Variants in URB2 observed in about 807,000 individuals in gnomAD.
The protein encoded by URB2 is URB2 ribosome biogenesis homolog.
Under a neutral mutation model 120.9 loss-of-function variants are expected in URB2, and 86 were observed. That is an observed-to-expected ratio of 0.71 (90% confidence interval 0.60 to 0.85). The LOEUF (loss-of-function observed/expected upper bound fraction) is 0.85. Ranked by LOEUF, URB2 falls within the 40% of genes least tolerant of loss-of-function variation. The probability of loss-of-function intolerance (pLI) is 0.00; values close to 1 mark genes in which losing one functional copy is unlikely to be tolerated. For missense variants in URB2, 1,765 were observed against 1,836.5 expected (o/e 0.96, Z 0.71); for synonymous variants, 755 against 758.4 (o/e 1.00, Z 0.07).
intron 4 of URB2, among the ~76,000 whole-genome samples, chr1:229,640,849 G>A (rs1665991622): frequency 6.8e-6 from 1 of 146,808 alleles, no homozygotes; most frequent in Non-Finnish European, 1.5e-5. Flanking sequence ...TTCTTAATGG[G>A]GGCTAAAATA....
rs1438735637 is a variant in URB2 at position 229,632,298 on chromosome 1, G to T, written c.156G>T (p.Leu52Phe). Reference sequence around the variant, plus strand: ...TACTTGATTGGGCAAGACAATCATTGGTTGCATTTTATAAGAAAAAGCTTG... The same window carrying T: ...TACTTGATTGGGCAAGACAATCATTTGTTGCATTTTATAAGAAAAAGCTTG... ...QVLLDWARQS[L>F]VAFYKKKLEL... Residue 52 changes from leucine (L) to phenylalanine (F), a missense_variant, in exon 3 of 10, where the codon TTG (leucine) becomes TTT (phenylalanine). By Grantham distance (22) the Leu-to-Phe change is conservative (BLOSUM62 0). Coordinates refer to ENST00000258243, the MANE Select transcript of URB2 (RefSeq NM_014777.4). The T allele has an allele frequency of 1.9e-6, 3 of 1,580,472 alleles. No individual in the cohort carries two copies. The highest frequency in any genetic ancestry group is 1.9e-5 in the Admixed American group (1 of 51,982).
At chr1:229,638,797 C>A (rs1413588841) in intron 4 of URB2, among the ~76,000 whole-genome samples, 1 of 152,174 alleles carries the variant, frequency 6.6e-6, no homozygotes, top group African/African-American at 2.4e-5. Context: ...ACAGCAGCCT[C>A]CTCCGTATGT....
At position 229,637,958 on chromosome 1, in the gene URB2, C is replaced by A. The variant is rs747824286; in HGVS notation, c.3345C>A (p.Val1115=). The A allele has an allele frequency of 6.2e-7, 1 of 1,613,566 alleles. No homozygotes were observed. Among genetic ancestry groups the A allele is most frequent in the African/African-American group, 1.3e-5 (1 of 74,934 alleles). Residue 1115 remains valine (V), a synonymous_variant, in exon 4 of 10, where the codon GTC becomes GTA. Coordinates refer to ENST00000258243, the MANE Select transcript of URB2 (RefSeq NM_014777.4). ...CCCGGGGCTGGCGCCTTCCCTCGGTCCTCATCTCATCCGTCAGCACGCTCT... is the reference window on the plus strand; with the variant it reads ...CCCGGGGCTGGCGCCTTCCCTCGGTACTCATCTCATCCGTCAGCACGCTCT... The part of the protein sequence containing the change: ...PGARGWRLPS[V]LISSVSTLLE...
At chr1:229,633,835 CT>C (rs1317075227) in intron 3 of URB2, among the ~76,000 whole-genome samples, 4 of 152,114 alleles carry the variant, frequency 2.6e-5, no homozygotes, top group African/African-American at 9.7e-5. Flanking sequence ...ATTTGCTTTC[CT>C]TTTTAAAAAA....
At position 229,635,631 on chromosome 1, in the gene URB2, C is replaced by G. The variant is rs1203721931; in HGVS notation, c.1018C>G (p.Leu340Val). The G allele has an allele frequency of 1.9e-6, 3 of 1,614,128 alleles. No homozygotes were observed. Among genetic ancestry groups the G allele is most frequent in the Non-Finnish European group, 2.5e-6 (3 of 1,180,034 alleles). Residue 340 changes from leucine (L) to valine (V), a missense_variant, in exon 4 of 10, where the codon CTG becomes GTG. Transcript: ENST00000258243. ...GTTTGGCTGCTTGAAGATTTCACAC[C>G]TGCAGGAGGAGCAGAGCAAAGCCCT... ...RLFGCLKISHLQEEQSKALST... is the reference protein window; with the variant it reads ...RLFGCLKISHVQEEQSKALST...
chr1:229,640,598 C>T (rs934819527), intron 4 of URB2, among the ~76,000 whole-genome samples: 3 of 152,082 alleles, frequency 2.0e-5, no homozygotes, highest in Admixed American at 1.3e-4. Context: ...GAAGCTGTGA[C>T]GGGTGGGGCC....
At chr1:229,630,982 C>CAAAAAAAAAA (rs57940336) in intron 2 of URB2, among the ~76,000 whole-genome samples, 1 of 65,106 alleles carries the variant, frequency 1.5e-5, no homozygotes, top group African/African-American at 6.1e-5. Flanking sequence ...AACTCCGTCT[C>CAAAAAAAAAA]AAAAAAAAAA....
At chr1:229,644,304 G>T (rs553387228) in intron 5 of URB2, among the ~76,000 whole-genome samples, 2 of 152,372 alleles carry the variant, frequency 1.3e-5, no homozygotes, top group Admixed American at 1.3e-4. Flanking sequence ...CAAGGTCTCT[G>T]GTCTAGGCAT....
rs756697639 is a variant in URB2, at chr1:229,636,261, A to G, written c.1648A>G (p.Met550Val). The G allele has an allele frequency of 6.8e-6, 11 of 1,613,904 alleles. No homozygotes were observed. Among genetic ancestry groups the G allele is most frequent in the South Asian group, 4.4e-5 (4 of 91,090 alleles). ...LSLSLLLHCIMFNMRSLDSST... is the reference protein window; with the variant it reads ...LSLSLLLHCIVFNMRSLDSST... ...ACTGAGCTTGCTGCTGCACTGCATC[A>G]TGTTCAACATGAGGAGCCTGGACAG... is the stretch of plus-strand genomic sequence containing the variant. The change falls in exon 4 of 10, where the codon ATG becomes GTG. Residue 550 changes from methionine (M) to valine (V), a missense_variant. By Grantham distance (21) the Met-to-Val change is conservative. Transcript: ENST00000258243.
chr1:229,653,451 A>T (rs886074476), intron 8 of URB2, among the ~76,000 whole-genome samples: 1 of 151,958 alleles, frequency 6.6e-6, no homozygotes, highest in Non-Finnish European at 1.5e-5. Context: ...TTTTTTCTCC[A>T]CTCTGGTCCC....
At chr1:229,649,857 C>T (rs1666227004) in intron 7 of URB2, among the ~76,000 whole-genome samples, 1 of 152,152 alleles carries the variant, frequency 6.6e-6, no homozygotes, top group South Asian at 2.1e-4. Flanking sequence ...GAGGTGCACA[C>T]ATACAAAGAA....
intron 2 of URB2, among the ~76,000 whole-genome samples, chr1:229,629,276 A>G (rs1665604942): frequency 6.6e-6 from 1 of 152,236 alleles, no homozygotes; most frequent in Non-Finnish European, 1.5e-5. Context: ...GTTAAGCTGT[A>G]GGTAATGTGG....
At chr1:229,640,710 A>C (rs1287676625) in intron 4 of URB2, among the ~76,000 whole-genome samples, 3 of 152,198 alleles carry the variant, frequency 2.0e-5, no homozygotes, top group African/African-American at 7.2e-5. Flanking sequence ...GCCATGGGCC[A>C]AATCACGCTG....
At position 229,645,734 on chromosome 1, in the gene URB2, C is replaced by T; in HGVS notation, c.3796-125C>T. 6 of 808,466 alleles carry T rather than the reference C, an allele frequency of 7.4e-6. 1 individual carries two copies. The South Asian group carries it at 9.3e-5, about 13-fold the overall frequency. 50.1% of individuals were successfully genotyped at this position (808,466 alleles called of 1,614,324 possible). On this transcript the variant is annotated intron_variant, in intron 5 of 9. Transcript: ENST00000258243. ...CCCCAAGCAGGCCTTGTCCACCTCC[C>T]CTGACACCAGGGCTCTCAATCCACT...
rs1387657478 is a variant in URB2, at chr1:229,635,734, A to G, written c.1121A>G (p.Asn374Ser). 1 of 1,614,090 alleles carries G rather than the reference A, an allele frequency of 6.2e-7. No individual in the cohort carries two copies. The highest frequency in any genetic ancestry group is 8.5e-7 in the Non-Finnish European group (1 of 1,180,002). Residue 374 changes from asparagine to serine, a missense_variant, in exon 4 of 10, where the codon AAC (asparagine) becomes AGC (serine). Transcript: ENST00000258243. ...LNSVANNNIY[N>S]IAADRIRHEE... ...TCAGTGGCCAACAACAATATCTACA[A>G]CATCGCTGCCGACAGAATTCGGCAC...
chr1:229,627,110 G>T (rs935945224), intron 1 of URB2, among the ~76,000 whole-genome samples: 3 of 152,120 alleles, frequency 2.0e-5, no homozygotes, highest in African/African-American at 7.2e-5. Context: ...GTGTATGTGC[G>T]TTGTAAATTT....
rs747442347 is a variant in URB2, at chr1:229,637,618, G to T, written c.3005G>T (p.Gly1002Val). Residue 1002 changes from glycine (G) to valine (V), a missense_variant, in exon 4 of 10, where the codon GGG becomes GTG. By Grantham distance (109) the Gly-to-Val change is moderately radical. Transcript: ENST00000258243. ...TGGCTGGAATTCCTCCAAGTGATAG[G>T]GACGTTCTTAGAGGAGCTAATGCAG... ...PAWLEFLQVIGTFLEELMQML... is the reference protein window; with the variant it reads ...PAWLEFLQVIVTFLEELMQML... 3 of 1,614,028 alleles carry T rather than the reference G, an allele frequency of 1.9e-6. No homozygotes were observed. The African/African-American group carries it at 4.0e-5, about 22-fold the overall frequency.
chr1:229,629,055 A>T (rs942007034), intron 2 of URB2, among the ~76,000 whole-genome samples: 1 of 152,086 alleles, frequency 6.6e-6, no homozygotes, highest in African/African-American at 2.4e-5. Context: ...ATACTGAGAG[A>T]TTTTATTCCT....
intron 8 of URB2, 81 bp downstream of exon 8, chr1:229,651,403 TAAAAC>T: frequency 8.5e-7 from 1 of 1,170,404 alleles, no homozygotes; most frequent in Non-Finnish European, 1.2e-6. Context: ...TTACTGAAAA[TAAAAC>T]TACTCACTTG....
Sources: allele counts gnomAD v4.1 joint callset (sites outside exome capture counted in the v4.1 genomes callset), GRCh38; gene constraint gnomAD v4.1.1; transcripts MANE v1.5; gene names NCBI Gene and HGNC (gene_info 2026-07-23, HGNC 2026-07-21).